ADGRV1: variants seen among roughly 807,000 people sequenced by gnomAD.
ADGRV1 encodes G-protein coupled receptor 98.
In ADGRV1, 359 loss-of-function variants were observed where a neutral mutation model predicts 596.2. The ratio of observed to expected loss-of-function variants is 0.60; its 90% CI spans 0.55 to 0.66. The LOEUF (loss-of-function observed/expected upper bound fraction) is 0.66, where lower values mean the gene tolerates loss of function less well. Ranked by LOEUF, ADGRV1 falls within the 30% of genes least tolerant of loss-of-function variation. The probability of loss-of-function intolerance (pLI) is 0.00; values close to 1 mark genes in which losing one functional copy is unlikely to be tolerated. For missense variants in ADGRV1, 7,274 were observed against 7,575.6 expected, an observed-to-expected ratio of 0.96 and a Z score of 1.48; for synonymous variants, 2,681 against 2,679.2, an observed-to-expected ratio of 1.00 and a Z score of -0.02.
At chr5:91,028,184 G>A (rs1380881680) in intron 85 of ADGRV1, among the ~76,000 whole-genome samples, 1 of 152,022 alleles carries the variant, frequency 6.6e-6, no homozygotes, top group Non-Finnish European at 1.5e-5. Context: ...GGGGTCGTCT[G>A]AGTCATGGTT....
chr5:90,834,516 G>A (rs141094119), intron 77 of ADGRV1, among the ~76,000 whole-genome samples: 22 of 151,944 alleles, frequency 1.4e-4, no homozygotes, highest in Non-Finnish European at 2.5e-4. Flanking sequence ...ATGTATGGGA[G>A]CTCCACTCTA....
intron 63 of ADGRV1, 45 bp from the exon 64 acceptor site, chr5:90,778,820 G>A (rs1233012637): frequency 2.7e-6 from 4 of 1,476,972 alleles, no homozygotes; most frequent in Non-Finnish European, 3.7e-6. Context: ...GTATTGTCTG[G>A]TAGATTAAAC....
At chr5:90,714,564 C>A (rs1749827113) in intron 42 of ADGRV1, among the ~76,000 whole-genome samples, 1 of 151,948 alleles carries the variant, frequency 6.6e-6, no homozygotes, top group African/African-American at 2.4e-5. Flanking sequence ...ATATTTTCTA[C>A]TATTTTCATT....
intron 75 of ADGRV1, among the ~76,000 whole-genome samples, chr5:90,819,618 T>A (rs1468922298): frequency 1.3e-4 from 19 of 151,580 alleles, no homozygotes; most frequent in African/African-American, 2.9e-4. Context: ...ATGTTGTGTC[T>A]TTGTTCTCGT....
At chr5:90,845,308 A>G (rs1463127715) in intron 78 of ADGRV1, among the ~76,000 whole-genome samples, 1 of 152,228 alleles carries the variant, frequency 6.6e-6, no homozygotes, top group Non-Finnish European at 1.5e-5. Flanking sequence ...GTTGTTGTGA[A>G]GAGTAGTTGC....
At chr5:90,902,247 G>A (rs925057441) in intron 83 of ADGRV1, among the ~76,000 whole-genome samples, 1 of 152,080 alleles carries the variant, frequency 6.6e-6, no homozygotes, top group African/African-American at 2.4e-5. Context: ...CTGTTATTAA[G>A]TGGCTTCTCA....
chr5:90,631,745 A>G (rs1650770600), intron 9 of ADGRV1, among the ~76,000 whole-genome samples: 1 of 152,088 alleles, frequency 6.6e-6, no homozygotes, highest in South Asian at 2.1e-4. Context: ...TGGATCTGTG[A>G]AGTGAAATAC....
rs751786583 is a variant in ADGRV1 at position 90,658,051 on chromosome 5, C to T, written c.4525C>T (p.Pro1509Ser). The change falls in exon 21 of 90, where the codon CCA becomes TCA. Residue 1509 changes from proline to serine, a missense_variant. Physicochemically the swap from Pro to Ser is moderately conservative, Grantham distance 74. This residue lies in a region of ADGRV1 where 3,643 missense variants were observed against 3,809.2 expected (regional missense o/e 0.96). Coordinates refer to ENST00000405460, the MANE Select transcript of ADGRV1 (RefSeq NM_032119.4). ...CATGCCCGCAAAAAGTGATTTACAC[C>T]CAATTTCTGGATATCTGGAGTTCAG... ...HAMPAKSDLH[P>S]ISGYLEFRQG... 1.9e-5 allele frequency: 30 copies of T among 1,613,638 alleles called. No homozygotes were observed. The highest frequency in any genetic ancestry group is 2.5e-5 in the Non-Finnish European group (30 of 1,179,828).
chr5:90,685,850 T>C lies in ADGRV1; in HGVS notation c.6345T>C (p.Asp2115=), dbSNP rs752315529. ...AACTAATTATCATTGCCAATGATGA[T>C]GCATTTGGAACTCTTCAGCTCTCAG... is the stretch of plus-strand genomic sequence containing the variant. ...IAQLIIIAND[D]AFGTLQLSAP... The change falls in exon 29 of 90, where the codon GAT becomes GAC. Residue 2115 remains aspartate, a synonymous_variant. Transcript: ENST00000405460. 3.7e-6 allele frequency: 6 copies of C among 1,612,260 alleles called. No individual in the cohort carries two copies. The highest frequency in any genetic ancestry group is 1.6e-4 in the Middle Eastern group (1 of 6,084).
intron 83 of ADGRV1, among the ~76,000 whole-genome samples, chr5:90,944,823 G>A (rs1401256432): frequency 6.6e-6 from 1 of 151,930 alleles, no homozygotes; most frequent in Non-Finnish European, 1.5e-5. Context: ...CTCCTCTTTG[G>A]GACCTTTAAA....
chr5:90,655,932 CA>C (rs1769340522), intron 20 of ADGRV1: 1 of 151,924 alleles, frequency 6.6e-6, no homozygotes, highest in South Asian at 2.1e-4. Flanking sequence ...TTCGTATACA[CA>C]CACTGTATAC....
intron 1 of ADGRV1, among the ~76,000 whole-genome samples, chr5:90,576,076 T>A (rs1757158239): frequency 6.6e-6 from 1 of 152,134 alleles, no homozygotes; most frequent in Non-Finnish European, 1.5e-5. Context: ...AGACAAGACA[T>A]CCCAGCACTG....
Position 90,832,057 on chromosome 5 carries a change from T to C in ADGRV1, c.16611+2871T>C, listed in dbSNP as rs116290956. On this transcript the variant is annotated intron_variant, in intron 77 of 89. Coordinates refer to ENST00000405460, the MANE Select transcript of ADGRV1 (RefSeq NM_032119.4). Reference sequence around the variant, plus strand: ...CAAACATGAGAGTGCAGGTATCTCTTTGATACACTTTCTTTTCTTTTGGGT... The same window carrying C: ...CAAACATGAGAGTGCAGGTATCTCTCTGATACACTTTCTTTTCTTTTGGGT... 3.5e-3 allele frequency among the ~76,000 whole-genome samples: 529 copies of C among 152,300 alleles called. 1 individual carries two copies. The highest frequency in any genetic ancestry group is 0.015 in the South Asian group (72 of 4,834).
chr5:90,825,126 G>A (rs1327672956), intron 76 of ADGRV1, among the ~76,000 whole-genome samples: 6 of 151,996 alleles, frequency 3.9e-5, no homozygotes, highest in African/African-American at 9.7e-5. Flanking sequence ...TAGTAGAGAC[G>A]GGGTTTCACC....
At chr5:90,666,310 C>A in intron 21 of ADGRV1, among the ~76,000 whole-genome samples, 1 of 152,110 alleles carries the variant, frequency 6.6e-6, no homozygotes, top group Non-Finnish European at 1.5e-5. Flanking sequence ...TTGTTGGGTG[C>A]ATATATATTT....
At chr5:90,724,659 T>C (rs1254326562) in intron 45 of ADGRV1, among the ~76,000 whole-genome samples, 173 bp from the exon 46 acceptor site, 1 of 152,222 alleles carries the variant, frequency 6.6e-6, no homozygotes, top group African/African-American at 2.4e-5. Flanking sequence ...ATTCATTATT[T>C]GTAGTTATTT....
chr5:90,757,277 T>C (rs1394539021), intron 57 of ADGRV1, 116 bp downstream of exon 57: 2 of 732,074 alleles, frequency 2.7e-6, no homozygotes, highest in African/African-American at 3.6e-5. Flanking sequence ...TAAATGTTTC[T>C]ATGTTAAGTC....
At chr5:91,161,454 A>G (rs1796938672) in intron 89 of ADGRV1, among the ~76,000 whole-genome samples, 1 of 150,442 alleles carries the variant, frequency 6.6e-6, no homozygotes, top group Non-Finnish European at 1.5e-5. Context: ...TTTGTTTTGT[A>G]ATGCGGAAAT....
chr5:91,105,715 T>C (rs1791805443), intron 87 of ADGRV1, among the ~76,000 whole-genome samples: 1 of 152,200 alleles, frequency 6.6e-6, no homozygotes, highest in African/African-American at 2.4e-5. Flanking sequence ...ATATTAATTA[T>C]CTGTCAGATG....
Sources: gnomAD v4.1 joint callset for allele counts (sites outside exome capture counted in the v4.1 genomes callset) on GRCh38, gnomAD v4.1.1 for gene constraint, gnomAD v4.1.1 regional missense constraint, MANE v1.5 for transcripts, NCBI Gene and HGNC (gene_info 2026-07-23, HGNC 2026-07-21) for gene names.